The following HMGXB4 variants were observed in gnomAD, a reference collection of about 807,000 sequenced individuals.
HMGXB4 encodes the protein HMG domain-containing protein 4.
HMGXB4 carries 27 observed loss-of-function variants against 63.9 expected under a neutral mutation model. The ratio of observed to expected loss-of-function variants is 0.42; its 90% confidence interval spans 0.31 to 0.58. The LOEUF (loss-of-function observed/expected upper bound fraction) is 0.58. Among genes scored for constraint, HMGXB4 ranks in the 20% least tolerant of loss-of-function variants. The pLI is 0.13. For missense variants in HMGXB4, 624 were observed against 700.7 expected, an observed-to-expected ratio of 0.89 and a Z score of 1.24; for synonymous variants, 264 against 265.3, an observed-to-expected ratio of 0.99 and a Z score of 0.05.
chr22:35,269,864 G>A (rs1342251381), intron 5 of HMGXB4, among the ~76,000 whole-genome samples: 1 of 152,158 alleles, frequency 6.6e-6, no homozygotes, highest in Non-Finnish European at 1.5e-5. Flanking sequence ...TGGAGTCCCA[G>A]CTACTCCTGA....
At chr22:35,256,080 G>A (rs1185124166), upstream of HMGXB4, among the ~76,000 whole-genome samples, 1 of 152,252 alleles carries the variant, frequency 6.6e-6, no homozygotes, top group Non-Finnish European at 1.5e-5. Context: ...CTTCTACTCA[G>A]TGCAGAGGGG....
At chr22:35,250,948 A>G in the HMGXB4 span, among the ~76,000 whole-genome samples, 1 of 152,172 alleles carries the variant, frequency 6.6e-6, no homozygotes, top group African/African-American at 2.4e-5. Context: ...TGGATGTATT[A>G]TGATTACCTT....
chr22:35,259,966 T>C (rs576582241), intron 1 of HMGXB4, among the ~76,000 whole-genome samples: 45 of 152,244 alleles, frequency 3.0e-4, no homozygotes, highest in Non-Finnish European at 5.6e-4. Context: ...CTCACAACTT[T>C]TTAATCCACT....
At chr22:35,259,317 G>C (rs1445929853) in intron 1 of HMGXB4, among the ~76,000 whole-genome samples, 4 of 152,068 alleles carry the variant, frequency 2.6e-5, no homozygotes, top group Non-Finnish European at 5.9e-5. Flanking sequence ...CTTGCCTCTT[G>C]GAGTTGACAA....
chr22:35,275,544 C>T (rs1448283053), intron 5 of HMGXB4, among the ~76,000 whole-genome samples: 3 of 151,914 alleles, frequency 2.0e-5, no homozygotes, highest in Non-Finnish European at 4.4e-5. Flanking sequence ...GTTCTATGAC[C>T]CAAAAAAGTT....
intron 9 of HMGXB4, among the ~76,000 whole-genome samples, chr22:35,289,737 C>CA (rs935073861): frequency 3.3e-5 from 5 of 152,166 alleles, no homozygotes; most frequent in African/African-American, 9.7e-5. Context: ...GCTTCAATTT[C>CA]AAAAATCACT....
At chr22:35,279,079 G>A (rs944356431) in intron 5 of HMGXB4, among the ~76,000 whole-genome samples, 4 of 137,294 alleles carry the variant, frequency 2.9e-5, no homozygotes, top group Non-Finnish European at 6.2e-5. Context: ...TTGGATAATA[G>A]TTCTTAATCA....
At position 35,264,654 on chromosome 22, in the gene HMGXB4, C is replaced by A; in HGVS notation, c.266C>A (p.Ser89Ter). 3 of 1,560,720 alleles carry A rather than the reference C, an allele frequency of 1.9e-6. No individual in the cohort carries two copies. The highest frequency in any genetic ancestry group is 2.1e-5 in the Admixed American group (1 of 48,662). ...SSDDYYYGDI[S>*]SLESSQKKKK... ...TTCTCTTGATTATTTCTAGATATTT[C>A]GTCTTTGGAATCGTCACAGAAGAAA... The change falls in exon 5 of 11, where the codon TCG becomes TAG. Residue 89 changes from serine to a stop codon, truncating the protein, a stop_gained. Transcript: ENST00000216106. LOFTEE classifies it high-confidence loss of function.
intron 5 of HMGXB4, among the ~76,000 whole-genome samples, chr22:35,269,060 A>G (rs1423194506): frequency 1.3e-5 from 2 of 152,182 alleles, no homozygotes; most frequent in Non-Finnish European, 2.9e-5. Context: ...ATTAAAGACT[A>G]TAAGGGAAGA....
At position 35,267,208 on chromosome 22, in the gene HMGXB4, CAAAA is replaced by C. The variant is rs1923318752; in HGVS notation, c.1215+1609_1215+1612del. Among the ~76,000 whole-genome samples, 10 of 149,446 alleles carry C rather than the reference CAAAA, an allele frequency of 6.7e-5. No homozygotes were observed. In the South Asian group the frequency reaches 1.7e-3, roughly 25 times the overall value. Reference sequence around the variant, plus strand: ...TATACACACACACATCTGTTTATCTCAAAAAAACCACAAAGCTGTACCTCTGAGC... The same window carrying C: ...TATACACACACACATCTGTTTATCTCAAACCACAAAGCTGTACCTCTGAGC... On this transcript the variant is annotated intron_variant, in intron 5 of 10. Transcript: ENST00000216106.
chr22:35,245,329 A>ATTTTTTT, the HMGXB4 span, among the ~76,000 whole-genome samples: 1 of 119,636 alleles, frequency 8.4e-6, no homozygotes. Flanking sequence ...GAAACTTTCT[A>ATTTTTTT]TTTTTTTTTT....
intron 5 of HMGXB4, among the ~76,000 whole-genome samples, chr22:35,273,917 A>G (rs1430605052): frequency 1.3e-5 from 2 of 152,220 alleles, no homozygotes; most frequent in East Asian, 1.9e-4. Context: ...CTTCACTTAC[A>G]AGGATGTTGT....
At chr22:35,259,815 T>C (rs1922726353) in intron 1 of HMGXB4, among the ~76,000 whole-genome samples, 1 of 152,238 alleles carries the variant, frequency 6.6e-6, no homozygotes, top group South Asian at 2.1e-4. Context: ...TTCAGGTTAT[T>C]TAATCCAGTA....
intron 1 of HMGXB4, among the ~76,000 whole-genome samples, chr22:35,257,782 C>T (rs922331913): frequency 6.6e-6 from 1 of 152,106 alleles, no homozygotes; most frequent in African/African-American, 2.4e-5. Flanking sequence ...CGGGCGGGAG[C>T]TGTTCAAACG....
chr22:35,267,015 G>A (rs1923292282), intron 5 of HMGXB4, among the ~76,000 whole-genome samples: 1 of 151,832 alleles, frequency 6.6e-6, no homozygotes, highest in Admixed American at 6.6e-5. Context: ...ATCTAGGAAT[G>A]GGAATTTAGT....
the HMGXB4 span, among the ~76,000 whole-genome samples, chr22:35,250,575 G>A: frequency 6.6e-6 from 1 of 152,108 alleles, no homozygotes; most frequent in Admixed American, 6.5e-5. Flanking sequence ...CAACCATGAA[G>A]GTCACATTTC....
At chr22:35,242,810 T>C in the HMGXB4 span, among the ~76,000 whole-genome samples, 1 of 152,202 alleles carries the variant, frequency 6.6e-6, no homozygotes, top group African/African-American at 2.4e-5. Flanking sequence ...AATTTTGATA[T>C]GTTGTGTTTT....
chr22:35,280,750 T>TA (rs1924196199), intron 5 of HMGXB4, among the ~76,000 whole-genome samples: 1 of 152,328 alleles, frequency 6.6e-6, no homozygotes, highest in African/African-American at 2.4e-5. Flanking sequence ...CATCATCTCT[T>TA]ACCTCTCTCT....
At chr22:35,263,298 TTG>T in intron 3 of HMGXB4, 72 bp downstream of exon 3, 14 of 1,319,624 alleles carry the variant, frequency 1.1e-5, no homozygotes, top group South Asian at 5.4e-5. Flanking sequence ...GAGTTTTTTT[TTG>T]TTTTTTTTTT....
Sources: allele counts gnomAD v4.1 joint callset (sites outside exome capture counted in the v4.1 genomes callset), GRCh38; gene constraint gnomAD v4.1.1; transcripts MANE v1.5; gene names NCBI Gene and HGNC (gene_info 2026-07-23, HGNC 2026-07-21).